The following MTMR2 variants were observed in gnomAD, a reference collection of about 807,000 sequenced individuals.
The protein encoded by MTMR2 is myotubularin related protein 2.
MTMR2 carries 55 observed loss-of-function variants against 86.9 expected under a neutral mutation model. That is an observed-to-expected ratio of 0.63 (90% CI 0.51 to 0.79). The LOEUF is 0.79. Among genes scored for constraint, MTMR2 ranks in the 30% least tolerant of loss-of-function variants. The probability of loss-of-function intolerance (pLI) is 0.00; values close to 1 mark genes in which losing one functional copy is unlikely to be tolerated. For missense variants in MTMR2, 659 were observed against 772.3 expected (o/e 0.85, Z 1.74); for synonymous variants, 241 against 266.8 (o/e 0.90, Z 0.94).
At chr11:95,910,318 C>T (rs1184912045) in intron 1 of MTMR2, among the ~76,000 whole-genome samples, 2 of 152,042 alleles carry the variant, frequency 1.3e-5, no homozygotes, top group Non-Finnish European at 2.9e-5. Context: ...TATTGTCAAT[C>T]ACAGCAACAC....
chr11:95,836,620 C>T (rs936708362), intron 13 of MTMR2, among the ~76,000 whole-genome samples: 1 of 151,942 alleles, frequency 6.6e-6, no homozygotes, highest in Non-Finnish European at 1.5e-5. Flanking sequence ...TATTCATTAA[C>T]AGCCAAGAAG....
chr11:95,854,956 T>C (rs1003391481), intron 7 of MTMR2, among the ~76,000 whole-genome samples: 2 of 151,794 alleles, frequency 1.3e-5, no homozygotes, highest in Non-Finnish European at 2.9e-5. Flanking sequence ...ACTACAAGCA[T>C]GTGTCACCAC....
chr11:95,913,545 T>C (rs1472320566), intron 1 of MTMR2, among the ~76,000 whole-genome samples: 5 of 152,114 alleles, frequency 3.3e-5, no homozygotes, highest in African/African-American at 1.2e-4. Flanking sequence ...AGTTAAATGT[T>C]CACCAAGTTC....
chr11:95,894,070 G>A (rs1405550292), intron 1 of MTMR2, among the ~76,000 whole-genome samples: 1 of 152,080 alleles, frequency 6.6e-6, no homozygotes, highest in Non-Finnish European at 1.5e-5. Context: ...TTACTCATCT[G>A]GAACCACTGG....
chr11:95,845,882 TAAAAAAAAAAAA>T (rs201863810), intron 10 of MTMR2, among the ~76,000 whole-genome samples: 3 of 90,100 alleles, frequency 3.3e-5, no homozygotes, highest in African/African-American at 1.6e-4. Flanking sequence ...TATGGTATCT[TAAAAAAAAAAAA>T]AAAAAAAAAG....
chr11:95,862,408 C>T, intron 3 of MTMR2, 42 bp from the exon 4 acceptor site: 6 of 1,371,022 alleles, frequency 4.4e-6, no homozygotes, highest in Non-Finnish European at 4.2e-6. Flanking sequence ...ACATTATGTG[C>T]TATTAAAACC....
rs1863137473 is a variant in MTMR2 at position 95,833,949 on chromosome 11, A to ATAT, written c.*1338_*1340dup. The ATAT allele has an allele frequency of 6.6e-6, 1 of 151,962 alleles. No homozygotes were observed. The highest frequency in any genetic ancestry group is 1.5e-5 in the Non-Finnish European group (1 of 67,862). The allele number at this position is 151,962 out of a possible 1,614,324, so 9.4% of individuals were successfully genotyped here. On this transcript the variant is annotated 3_prime_UTR_variant, in exon 15 of 15. Transcript: ENST00000346299. ...GAATTAGTGAGTGGAAAAACACTGT[A>ATAT]TATTTTAATTGTTTGATTTGGGTGT...
chr11:95,890,206 A>G (rs1260041294), intron 1 of MTMR2, among the ~76,000 whole-genome samples: 1 of 152,244 alleles, frequency 6.6e-6, no homozygotes, highest in Non-Finnish European at 1.5e-5. Flanking sequence ...ATTATATTAC[A>G]TAGTTTTATA....
chr11:95,915,552 G>A (rs914782531), intron 1 of MTMR2, among the ~76,000 whole-genome samples: 7 of 152,028 alleles, frequency 4.6e-5, no homozygotes, highest in Admixed American at 2.0e-4. Flanking sequence ...AGATGTCTCC[G>A]CATTTTTAAT....
intron 1 of MTMR2, among the ~76,000 whole-genome samples, chr11:95,912,091 T>G (rs1365522570): frequency 2.4e-5 from 2 of 82,084 alleles, no homozygotes; most frequent in East Asian, 3.7e-4. Flanking sequence ...AGGTGGGTTT[T>G]TTTTTTTTTT....
At chr11:95,882,774 G>C (rs965366093) in intron 2 of MTMR2, among the ~76,000 whole-genome samples, 3 of 148,344 alleles carry the variant, frequency 2.0e-5, no homozygotes, top group Non-Finnish European at 4.5e-5. Flanking sequence ...CCAGGCTGGA[G>C]TGCAGTGGCA....
At chr11:95,878,844 TATA>T (rs766589285) in intron 2 of MTMR2, among the ~76,000 whole-genome samples, 1 of 152,260 alleles carries the variant, frequency 6.6e-6, no homozygotes, top group South Asian at 2.1e-4. Context: ...GGTGAATAGA[TATA>T]ATATTATCTA....
intron 1 of MTMR2, among the ~76,000 whole-genome samples, chr11:95,899,600 T>G (rs1176334074): frequency 6.6e-6 from 1 of 151,004 alleles, no homozygotes; most frequent in African/African-American, 2.4e-5. Flanking sequence ...TTTAACTGTC[T>G]ATGAATCTGA....
In MTMR2 at chr11:95,853,850, C is replaced by T. The variant is rs1180211555; in HGVS notation, c.655-3101G>A. On this transcript the variant is annotated intron_variant, in intron 7 of 14. Coordinates refer to ENST00000346299, the MANE Select transcript of MTMR2 (RefSeq NM_016156.6). ...TTTCCATATGAAGCAAAATTAGTTT[C>T]TGAAGTTTTCTTAGAAAACATGGAG... 3.3e-5 allele frequency among the ~76,000 whole-genome samples: 5 copies of T among 152,098 alleles called. No homozygotes were observed. In the East Asian group the frequency reaches 9.6e-4, roughly 29 times the overall value.
chr11:95,907,482 A>G (rs770451780), intron 1 of MTMR2, among the ~76,000 whole-genome samples: 13 of 152,138 alleles, frequency 8.5e-5, no homozygotes, highest in Non-Finnish European at 1.8e-4. Flanking sequence ...CCCCCCAAAA[A>G]AATGAGGAGG....
intron 14 of MTMR2, 92 bp from the exon 15 acceptor site, chr11:95,835,543 A>C (rs1863231290): frequency 7.4e-7 from 1 of 1,348,312 alleles, no homozygotes; most frequent in Admixed American, 1.7e-5. Context: ...ATGTTTTTTC[A>C]GCTGTTGGAA....
rs930233908 is a variant in MTMR2, at chr11:95,924,041, G to C, written c.-87C>G. ...AGCGGAGGGCGGAGTGCTACGGACC[G>C]GGGCCGCAGTCAGGCCAGCGCCGGC... On this transcript the variant is annotated 5_prime_UTR_variant, in exon 1 of 15. Transcript: ENST00000346299. 74 of 1,508,236 alleles carry C rather than the reference G, an allele frequency of 4.9e-5. No individual in the cohort carries two copies. In the African/African-American group the frequency reaches 8.9e-4, roughly 18 times the overall value. 93.4% of individuals were successfully genotyped at this position (1,508,236 alleles called of 1,614,324 possible).
At chr11:95,910,741 C>T (rs916777455) in intron 1 of MTMR2, among the ~76,000 whole-genome samples, 1 of 152,066 alleles carries the variant, frequency 6.6e-6, no homozygotes, top group African/African-American at 2.4e-5. Context: ...TGCCCAAGAA[C>T]ATTAAAGCAT....
chr11:95,919,717 T>A (rs1034023463), intron 1 of MTMR2, among the ~76,000 whole-genome samples: 3 of 152,184 alleles, frequency 2.0e-5, no homozygotes, highest in African/African-American at 7.2e-5. Context: ...AGCTTAGACC[T>A]GAAATTGCAA....
Sources: allele counts gnomAD v4.1 joint callset (sites outside exome capture counted in the v4.1 genomes callset), GRCh38; gene constraint gnomAD v4.1.1; transcripts MANE v1.5; gene names NCBI Gene and HGNC (gene_info 2026-07-23, HGNC 2026-07-21).